The following FRMD4A variants were observed in gnomAD, a reference collection of about 807,000 sequenced individuals.
FRMD4A encodes the protein FERM domain-containing protein 4A.
A neutral mutation model predicts 129.1 loss-of-function variants in FRMD4A; 29 were observed. The observed-to-expected ratio is 0.22, with a 90% CI of 0.17 to 0.31. The LOEUF (loss-of-function observed/expected upper bound fraction) is 0.31, where lower values mean the gene tolerates loss of function less well. Among genes scored for constraint, FRMD4A ranks in the 10% least tolerant of loss-of-function variants. FRMD4A has a pLI of 1.00. For synonymous variants in FRMD4A, 634 were observed against 571.6 expected (o/e 1.11, Z -1.56); for missense variants, 1,272 against 1,375.8 (o/e 0.92, Z 1.19).
At chr10:14,029,340 A>G (rs183377135) in intron 2 of FRMD4A, among the ~76,000 whole-genome samples, 9 of 152,226 alleles carry the variant, frequency 5.9e-5, no homozygotes, top group African/African-American at 2.2e-4. Flanking sequence ...AACGGTGGGC[A>G]GATCGTTCTT....
intron 2 of FRMD4A, among the ~76,000 whole-genome samples, chr10:14,187,981 T>C (rs1213606776): frequency 6.6e-6 from 1 of 152,164 alleles, no homozygotes; most frequent in African/African-American, 2.4e-5. Context: ...CCATCTCTAG[T>C]GTCCTATTGG....
At chr10:13,716,706 G>T (rs2088843113) in intron 12 of FRMD4A, among the ~76,000 whole-genome samples, 1 of 152,112 alleles carries the variant, frequency 6.6e-6, no homozygotes, top group Non-Finnish European at 1.5e-5. Flanking sequence ...GCTTCCTTTG[G>T]CTTAAGAGTC....
intron 2 of FRMD4A, among the ~76,000 whole-genome samples, chr10:13,903,043 G>T (rs559811189): frequency 1.3e-5 from 2 of 152,104 alleles, no homozygotes; most frequent in South Asian, 4.2e-4. Context: ...TGTGCTCCGG[G>T]CACCCTGTTG....
intron 6 of FRMD4A, among the ~76,000 whole-genome samples, chr10:13,763,254 C>T (rs1250994434): frequency 6.6e-6 from 1 of 152,140 alleles, no homozygotes. Context: ...TTATTAATCA[C>T]TGGAATAGGG....
intron 2 of FRMD4A, among the ~76,000 whole-genome samples, chr10:13,917,617 C>T (rs2095024669): frequency 6.6e-6 from 1 of 152,122 alleles, no homozygotes; most frequent in Non-Finnish European, 1.5e-5. Context: ...AATATACACA[C>T]ACTGTACTTT....
In FRMD4A at chr10:14,245,387, T is replaced by A. The variant is rs139140523; in HGVS notation, c.45+84671A>T. On this transcript the variant is annotated intron_variant, in intron 2 of 24. Coordinates refer to ENST00000357447, the MANE Select transcript of FRMD4A (RefSeq NM_018027.5). ...CCAAGGGATTGCTTTGTGAAGGAAGTTAGTTCAAACAAATAAAACACTGAG... is the reference window on the plus strand; with the variant it reads ...CCAAGGGATTGCTTTGTGAAGGAAGATAGTTCAAACAAATAAAACACTGAG... Among the ~76,000 whole-genome samples, 1,030 of 152,274 alleles carry A rather than the reference T, an allele frequency of 6.8e-3. 14 individuals are homozygous for A. The highest frequency in any genetic ancestry group is 0.024 in the African/African-American group (976 of 41,530).
At chr10:14,290,627 C>T (rs1218697995) in intron 2 of FRMD4A, among the ~76,000 whole-genome samples, 1 of 152,028 alleles carries the variant, frequency 6.6e-6, no homozygotes, top group Non-Finnish European at 1.5e-5. Context: ...AACTATAAAA[C>T]TTCTAGAAGA....
intron 12 of FRMD4A, among the ~76,000 whole-genome samples, chr10:13,721,667 C>T (rs2089422302): frequency 6.6e-6 from 1 of 152,230 alleles, no homozygotes; most frequent in South Asian, 2.1e-4. Flanking sequence ...GGGCAACTCA[C>T]TTCTTCCAGC....
intron 2 of FRMD4A, among the ~76,000 whole-genome samples, chr10:14,210,179 G>A (rs1393069499): frequency 1.3e-5 from 2 of 152,164 alleles, no homozygotes; most frequent in African/African-American, 4.8e-5. Flanking sequence ...AACTCCCAAA[G>A]TGATGGTATT....
intron 3 of FRMD4A, among the ~76,000 whole-genome samples, chr10:13,832,652 C>G (rs1336322348): frequency 6.6e-6 from 1 of 152,142 alleles, no homozygotes. Flanking sequence ...CTCTTGGGAT[C>G]CTGCTAGGAA....
At chr10:13,673,088 G>A (rs1007340662) in intron 16 of FRMD4A, among the ~76,000 whole-genome samples, 1 of 151,976 alleles carries the variant, frequency 6.6e-6, no homozygotes, top group Non-Finnish European at 1.5e-5. Context: ...ATTCCCTGCC[G>A]GGTTTAGGGA....
intron 2 of FRMD4A, among the ~76,000 whole-genome samples, chr10:13,879,279 C>T (rs2094521834): frequency 6.6e-6 from 1 of 151,960 alleles, no homozygotes; most frequent in Admixed American, 6.6e-5. Flanking sequence ...AATCCCAGTG[C>T]TTTGGCCTGG....
chr10:14,174,848 TTGAG>T (rs1841647881), intron 2 of FRMD4A, among the ~76,000 whole-genome samples: 2 of 150,638 alleles, frequency 1.3e-5, no homozygotes, highest in African/African-American at 4.9e-5. Context: ...TCCTGAATAG[TTGAG>T]TATTAAAAAA....
intron 3 of FRMD4A, among the ~76,000 whole-genome samples, chr10:13,856,494 C>T (rs1382260126): frequency 6.6e-6 from 1 of 151,878 alleles, no homozygotes; most frequent in African/African-American, 2.4e-5. Flanking sequence ...CCAATCACAG[C>T]GAGGTGTGGC....
rs946412570 is a variant in FRMD4A at position 13,827,721 on chromosome 10, C to T, written c.112-16813G>A. 3.9e-5 allele frequency among the ~76,000 whole-genome samples: 6 copies of T among 152,238 alleles called. No homozygotes were observed. In the South Asian group the frequency reaches 8.3e-4, roughly 21 times the overall value. ...ATCTGAGAGAGGGGTTCGGAGGTTC[C>T]GGCAGTCTGTAAGTCTGCCAGGAAG... On this transcript the variant is annotated intron_variant, in intron 3 of 24. Transcript: ENST00000357447.
intron 2 of FRMD4A, among the ~76,000 whole-genome samples, chr10:14,134,194 T>C (rs1215271359): frequency 1.3e-5 from 2 of 152,242 alleles, no homozygotes; most frequent in Non-Finnish European, 2.9e-5. Context: ...TTCTGCTGTA[T>C]AGCATATGTT....
intron 2 of FRMD4A, among the ~76,000 whole-genome samples, chr10:14,323,635 A>G (rs1017337820): frequency 6.6e-6 from 1 of 152,154 alleles, no homozygotes; most frequent in Non-Finnish European, 1.5e-5. Context: ...CCCTCCTGAT[A>G]ATACAGCTCT....
At chr10:14,262,226 A>C (rs1024540091) in intron 2 of FRMD4A, among the ~76,000 whole-genome samples, 2 of 152,138 alleles carry the variant, frequency 1.3e-5, no homozygotes, top group African/African-American at 2.4e-5. Flanking sequence ...AACTGAGCTA[A>C]GAGATCACTT....
In FRMD4A at chr10:13,869,859, C is replaced by T. The variant is rs139625012; in HGVS notation, c.46-10947G>A. On this transcript the variant is annotated intron_variant, in intron 2 of 24. Transcript: ENST00000357447. ...ATACACACAATTAGGAAGATTTATT[C>T]ACAAGCCCTCATTTACAACACAACT... Among the ~76,000 whole-genome samples, 215 of 152,310 alleles carry T rather than the reference C, an allele frequency of 1.4e-3. 1 individual carries two copies. The highest frequency in any genetic ancestry group is 0.012 in the East Asian group (64 of 5,186).
Sources: allele counts gnomAD v4.1 joint callset (sites outside exome capture counted in the v4.1 genomes callset), GRCh38; gene constraint gnomAD v4.1.1; transcripts MANE v1.5; gene names NCBI Gene and HGNC (gene_info 2026-07-23, HGNC 2026-07-21).